Variants in SEMA6A observed in about 807,000 individuals in gnomAD.
SEMA6A encodes the protein semaphorin-6A.
In SEMA6A, 25 loss-of-function variants were observed where a neutral mutation model predicts 96.8. The ratio of observed to expected loss-of-function variants is 0.26; its 90% CI spans 0.19 to 0.36. The LOEUF is 0.36. Among genes scored for constraint, SEMA6A ranks in the 10% least tolerant of loss-of-function variants. The pLI, the probability that SEMA6A is intolerant of heterozygous loss-of-function variation, is 1.00. For missense variants in SEMA6A, 1,363 were observed against 1,323.1 expected, an observed-to-expected ratio of 1.03 and a Z score of -0.47; for synonymous variants, 612 against 518.0, an observed-to-expected ratio of 1.18 and a Z score of -2.46.
At chr5:116,508,329 T>C (rs940611472) in intron 1 of SEMA6A, 3 of 152,238 alleles carry the variant, frequency 2.0e-5, no homozygotes, top group Non-Finnish European at 4.4e-5. Flanking sequence ...CAGCGGGTCA[T>C]TGTGTCAGCC....
At chr5:116,458,803 G>A (rs1276640372) in intron 18 of SEMA6A, among the ~76,000 whole-genome samples, 1 of 151,888 alleles carries the variant, frequency 6.6e-6, no homozygotes, top group Non-Finnish European at 1.5e-5. Flanking sequence ...TTGTCAAAAG[G>A]ATACAAAATT....
At chr5:116,460,055 TA>T in intron 18 of SEMA6A, among the ~76,000 whole-genome samples, 1 of 150,476 alleles carries the variant, frequency 6.6e-6, no homozygotes, top group African/African-American at 2.5e-5. Context: ...ATGAAAATGA[TA>T]AAAAAATAAA....
chr5:116,570,120 C>T (rs1761150056), intron 1 of SEMA6A, among the ~76,000 whole-genome samples: 1 of 152,144 alleles, frequency 6.6e-6, no homozygotes, highest in African/African-American at 2.4e-5. Flanking sequence ...TGAACTCCTC[C>T]CCTTGAGGTT....
chr5:116,444,427 T>C lies in SEMA6A; in HGVS notation c.*2186A>G, dbSNP rs1288291991. The C allele has an allele frequency of 6.6e-6, 1 of 152,320 alleles. No homozygotes were observed. Among genetic ancestry groups the C allele is most frequent in the African/African-American group, 2.4e-5 (1 of 41,444 alleles). 9.4% of individuals were successfully genotyped at this position (152,320 alleles called of 1,614,324 possible). Reference sequence around the variant, plus strand: ...TCATTGTCAGTCTTTTTTTGAATTCTTTTTAAAGACAAAACTAAACCCAGA... The same window carrying C: ...TCATTGTCAGTCTTTTTTTGAATTCCTTTTAAAGACAAAACTAAACCCAGA... On this transcript the variant is annotated 3_prime_UTR_variant, in exon 19 of 19. Transcript: ENST00000343348.
chr5:116,536,418 G>A (rs892800276), intron 1 of SEMA6A: 1 of 152,118 alleles, frequency 6.6e-6, no homozygotes, highest in Non-Finnish European at 1.5e-5. Context: ...TTGTCCTGGG[G>A]AGCCCGAGTC....
chr5:116,482,872 T>C (rs1244677120), intron 10 of SEMA6A, among the ~76,000 whole-genome samples: 1 of 152,242 alleles, frequency 6.6e-6, no homozygotes, highest in Non-Finnish European at 1.5e-5. Context: ...GTTGAGCTAG[T>C]GATAGAAGTT....
intron 4 of SEMA6A, 109 bp downstream of exon 4, chr5:116,497,218 C>T (rs1757645963): frequency 1.5e-6 from 1 of 651,136 alleles, no homozygotes; most frequent in Non-Finnish European, 2.6e-6. Flanking sequence ...ATGTTGGCAT[C>T]TCTAAATTAT....
chr5:116,495,333 T>C, intron 6 of SEMA6A, 80 bp downstream of exon 6: 2 of 996,010 alleles, frequency 2.0e-6, no homozygotes, highest in South Asian at 2.8e-5. Context: ...ATTACCCCTC[T>C]TAGGTTGCTG....
chr5:116,512,696 C>G (rs1758469739), intron 1 of SEMA6A, among the ~76,000 whole-genome samples: 1 of 151,718 alleles, frequency 6.6e-6, no homozygotes, highest in African/African-American at 2.4e-5. Flanking sequence ...CTACCCACCA[C>G]CCCCACCCCA....
chr5:116,545,526 C>T (rs578033222), intron 1 of SEMA6A, among the ~76,000 whole-genome samples: 12 of 152,144 alleles, frequency 7.9e-5, no homozygotes, highest in East Asian at 3.9e-4. Context: ...GCCGAGATTG[C>T]GCCATTGCAC....
chr5:116,574,775 G>A lies in SEMA6A; in HGVS notation c.-629C>T, dbSNP rs1325258417. On this transcript the variant is annotated 5_prime_UTR_variant, in exon 1 of 19. Transcript: ENST00000343348. ...GAGCGCCTGGGCAGCCGAGTGCGCG[G>A]GGAGCGGAGTTGGCTGCAGCCTCAC... The A allele has an allele frequency of 1.3e-5, 2 of 152,424 alleles. No individual in the cohort carries two copies. The highest frequency in any genetic ancestry group is 2.9e-5 in the Non-Finnish European group (2 of 68,146). The allele number at this position is 152,424 out of a possible 1,614,324, so 9.4% of individuals were successfully genotyped here. A position where few individuals can be genotyped will look rare whatever the true frequency, so the allele number is the denominator to read the frequency against.
rs1465281715 is a variant in SEMA6A, at chr5:116,446,895, G to GT, written c.2810dup (p.Asn937LysfsTer4). On this transcript the variant is annotated frameshift_variant, in exon 19 of 19. Transcript: ENST00000343348. LOFTEE classifies it high-confidence loss of function. ...GAGAGGAATTGGAGGAGTTAGTGTT[G>GT]TTTCTTTTGAGAGTGGTGGCCTGGT... 1.2e-6 allele frequency: 2 copies of GT among 1,613,970 alleles called. No homozygotes were observed.
At chr5:116,572,301 G>C (rs1411296278) in intron 1 of SEMA6A, among the ~76,000 whole-genome samples, 1 of 152,152 alleles carries the variant, frequency 6.6e-6, no homozygotes, top group East Asian at 1.9e-4. Context: ...AAAAAGCTGA[G>C]CGTAAAAAAA....
At chr5:116,454,810 GCA>G (rs774345687) in intron 18 of SEMA6A, among the ~76,000 whole-genome samples, 1 of 149,968 alleles carries the variant, frequency 6.7e-6, no homozygotes, top group South Asian at 2.1e-4. Flanking sequence ...GTGTGTGTGT[GCA>G]TGTGTGTGTG....
intron 3 of SEMA6A, among the ~76,000 whole-genome samples, chr5:116,501,613 T>G (rs1398643873): frequency 6.6e-6 from 1 of 152,200 alleles, no homozygotes; most frequent in Non-Finnish European, 1.5e-5. Flanking sequence ...TTAGGCCAGA[T>G]GAAGTGGTTC....
chr5:116,520,287 C>T (rs1758872190), intron 1 of SEMA6A, among the ~76,000 whole-genome samples: 1 of 146,442 alleles, frequency 6.8e-6, no homozygotes, highest in African/African-American at 2.5e-5. Flanking sequence ...CTTTATTCTA[C>T]ATTTCTGCAA....
intron 2 of SEMA6A, among the ~76,000 whole-genome samples, chr5:116,503,983 C>CT (rs896009025): frequency 3.9e-5 from 6 of 152,176 alleles, no homozygotes; most frequent in African/African-American, 1.2e-4. Flanking sequence ...ACTCTGGACT[C>CT]TAATTGTTTT....
At chr5:116,570,380 C>T (rs75750671) in intron 1 of SEMA6A, among the ~76,000 whole-genome samples, 28,835 of 152,020 alleles carry the variant, frequency 0.19, 2,974 homozygotes, top group East Asian at 0.24. Flanking sequence ...CCCAGCAGAA[C>T]GCCTCAAGGC....
intron 18 of SEMA6A, among the ~76,000 whole-genome samples, chr5:116,451,621 T>C (rs1332175427): frequency 1.3e-5 from 2 of 152,156 alleles, no homozygotes; most frequent in African/African-American, 2.4e-5. Context: ...GAGCTCTTAG[T>C]TGGGTAACTC....
Sources: allele counts gnomAD v4.1 joint callset (sites outside exome capture counted in the v4.1 genomes callset), GRCh38; gene constraint gnomAD v4.1.1; transcripts MANE v1.5; gene names NCBI Gene and HGNC (gene_info 2026-07-23, HGNC 2026-07-21).